Variants in MYH11 observed in about 807,000 individuals in gnomAD.
MYH11 encodes myosin-11.
Under a neutral mutation model 246.6 loss-of-function variants are expected in MYH11, and 80 were observed. The ratio of observed to expected loss-of-function variants is 0.32; its 90% CI spans 0.27 to 0.39. The LOEUF is 0.39. Among genes scored for constraint, MYH11 ranks in the 10% least tolerant of loss-of-function variants. The pLI is 1.00. For missense variants in MYH11, 2,158 were observed against 2,546.8 expected, an observed-to-expected ratio of 0.85 and a Z score of 3.29; for synonymous variants, 1,071 against 1,015.5, an observed-to-expected ratio of 1.05 and a Z score of -1.04.
At chr16:15,780,188 C>T (rs369927566) in intron 6 of MYH11, among the ~76,000 whole-genome samples, 1 of 152,074 alleles carries the variant, frequency 6.6e-6, no homozygotes, top group East Asian at 1.9e-4. Context: ...AACATGCAAA[C>T]GCAGTGCTTC....
chr16:15,761,453 A>T (rs1485546068), intron 10 of MYH11, among the ~76,000 whole-genome samples: 1 of 152,214 alleles, frequency 6.6e-6, no homozygotes, highest in Non-Finnish European at 1.5e-5. Flanking sequence ...AATAGTTATT[A>T]ATAGTAACAT....
At position 15,717,334 on chromosome 16, in the gene MYH11, G is replaced by A; in HGVS notation, c.5310C>T (p.Ser1770=). 2 of 1,608,348 alleles carry A rather than the reference G, an allele frequency of 1.2e-6. No homozygotes were observed. Among genetic ancestry groups the A allele is most frequent in the Non-Finnish European group, 1.7e-6 (2 of 1,180,008 alleles). The change falls in exon 38 of 41, where the codon AGC becomes AGT. Residue 1770 remains serine, a synonymous_variant. Coordinates refer to ENST00000300036, the MANE Select transcript of MYH11 (RefSeq NM_002474.3). ...TGCTGCGCTCTGTGGCCAGCTCGTT[G>A]CTGAGCTGCTCGGCCTGGGGAGGAG... ...RKATQQAEQL[S]NELATERSTA...
chr16:15,837,438 G>C (rs1367053537), intron 2 of MYH11, among the ~76,000 whole-genome samples: 1 of 152,108 alleles, frequency 6.6e-6, no homozygotes, highest in African/African-American at 2.4e-5. Context: ...GGCTTCGAGA[G>C]AGGAAATAAC....
chr16:15,800,421 T>C (rs959259517), intron 3 of MYH11, among the ~76,000 whole-genome samples: 1 of 149,406 alleles, frequency 6.7e-6, no homozygotes, highest in African/African-American at 2.5e-5. Context: ...GATGGATGGA[T>C]AGATAGGAAG....
intron 1 of MYH11, among the ~76,000 whole-genome samples, chr16:15,851,440 C>T (rs1450270294): frequency 2.0e-5 from 3 of 152,098 alleles, no homozygotes; most frequent in African/African-American, 4.8e-5. Context: ...CTAAGATGAC[C>T]GAGGTCCTGG....
intron 19 of MYH11, among the ~76,000 whole-genome samples, chr16:15,745,732 TG>T (rs938616755): frequency 3.3e-5 from 5 of 151,548 alleles, no homozygotes; most frequent in African/African-American, 1.2e-4. Context: ...GGATTACAGG[TG>T]CCCACAACCA....
intron 1 of MYH11, among the ~76,000 whole-genome samples, chr16:15,851,526 T>A (rs1409711889): frequency 6.6e-6 from 1 of 152,272 alleles, no homozygotes; most frequent in East Asian, 1.9e-4. Context: ...AGTTTTCTGC[T>A]AAGAGTAAAT....
chr16:15,766,114 C>T (rs562073273), intron 9 of MYH11, among the ~76,000 whole-genome samples: 30 of 152,242 alleles, frequency 2.0e-4, no homozygotes, highest in African/African-American at 6.7e-4. Context: ...AGATACTACT[C>T]AATGTCCCCT....
rs113302393 is a variant in MYH11 at position 15,724,329 on chromosome 16, C to T, written c.4197G>A (p.Lys1399=). The T allele has an allele frequency of 2.0e-4, 322 of 1,614,166 alleles. 1 individual carries two copies. In the Middle Eastern group the frequency reaches 2.8e-3, roughly 14 times the overall value. The change falls in exon 31 of 41, where the codon AAG becomes AAA. Residue 1399 remains lysine, a synonymous_variant. Transcript: ENST00000300036. Reference sequence around the variant, plus strand: ...ACTGCTGGGTGAGGTTCTCGATCTCCTTCTGGAACCTCTTCTTCCCCTCTT... The same window carrying T: ...ACTGCTGGGTGAGGTTCTCGATCTCTTTCTGGAACCTCTTCTTCCCCTCTT... ...ALEEGKKRFQ[K]EIENLTQQYE... is the part of the protein sequence containing the mutation.
In MYH11 at chr16:15,741,784, C is replaced by T. The variant is rs1419915151; in HGVS notation, c.2628G>A (p.Lys876=). ...ERQQKAENEL[K]ELEQKHSQLT... Reference sequence around the variant, plus strand: ...CCTGCGAGTGCTTCTGTTCCAGCTCCTTAAGCTCATTCTCTGCCTTCTGCT... The same window carrying T: ...CCTGCGAGTGCTTCTGTTCCAGCTCTTTAAGCTCATTCTCTGCCTTCTGCT... The change falls in exon 21 of 41, where the codon AAG becomes AAA. Residue 876 remains lysine, a synonymous_variant. Transcript: ENST00000300036. 3 of 1,614,100 alleles carry T rather than the reference C, an allele frequency of 1.9e-6. No homozygotes were observed. The highest frequency in any genetic ancestry group is 2.5e-6 in the Non-Finnish European group (3 of 1,180,054).
chr16:15,856,686 G>GA (rs2044480427), intron 1 of MYH11, among the ~76,000 whole-genome samples: 1 of 151,512 alleles, frequency 6.6e-6, no homozygotes, highest in African/African-American at 2.4e-5. Context: ...TCCAGGCATT[G>GA]ATATCGTTAA....
chr16:15,724,676 C>T lies in MYH11; in HGVS notation c.4087G>A (p.Glu1363Lys), dbSNP rs1398265916. The change falls in exon 30 of 41, where the codon GAG becomes AAG. Residue 1363 changes from glutamate (E) to lysine (K), a missense_variant. This residue lies in a region of MYH11 where 1,013 missense variants were observed against 993.5 expected (regional missense o/e 1.02). Transcript: ENST00000300036. Reference protein sequence around the residue: ...DEEMEAKQNLERHISTLNIQL... With the variant: ...DEEMEAKQNLKRHISTLNIQL... The stretch of plus-strand genomic sequence containing the variant: ...ATGTTGAGAGTGGAGATGTGGCGCT[C>T]CAGGTTCTGCTTGGCCTCCATCTCC... 1 of 1,614,178 alleles carries T rather than the reference C, an allele frequency of 6.2e-7. No homozygotes were observed. Among genetic ancestry groups the T allele is most frequent in the Non-Finnish European group, 8.5e-7 (1 of 1,180,020 alleles).
chr16:15,798,571 G>A, intron 4 of MYH11, 89 bp downstream of exon 4: 2 of 1,319,680 alleles, frequency 1.5e-6, no homozygotes, highest in Non-Finnish European at 2.1e-6. Flanking sequence ...TGCACTCATG[G>A]ATCTTTTCTT....
At chr16:15,845,117 G>A (rs1042090465) in intron 1 of MYH11, among the ~76,000 whole-genome samples, 1 of 152,086 alleles carries the variant, frequency 6.6e-6, no homozygotes, top group African/African-American at 2.4e-5. Flanking sequence ...CAGATTTACT[G>A]TATATTAATA....
At chr16:15,775,402 G>A (rs189000229) in intron 8 of MYH11, among the ~76,000 whole-genome samples, 1 of 143,942 alleles carries the variant, frequency 6.9e-6, no homozygotes, top group African/African-American at 2.9e-5. Flanking sequence ...TTTATGTACT[G>A]CCTGTGCTCA....
At position 15,726,997 on chromosome 16, in the gene MYH11, C is replaced by T. The variant is rs2040798272; in HGVS notation, c.3709G>A (p.Ala1237Thr). ...TGGCCCAGGACCCGCAGCTCCCCGGCCAGGTCTGCGTTCTCTTTCTCCAGC... is the reference window on the plus strand; with the variant it reads ...TGGCCCAGGACCCGCAGCTCCCCGGTCAGGTCTGCGTTCTCTTTCTCCAGC... ...QTLEKENADL[A>T]GELRVLGQAK... Residue 1237 changes from alanine to threonine, a missense_variant, in exon 28 of 41, where the codon GCC becomes ACC. Ala to Thr is a moderately conservative substitution (Grantham distance 58). Around this residue, in one of 11 missense-constraint regions of MYH11, gnomAD observed 1,013 missense variants for 993.5 expected, o/e 1.02. Transcript: ENST00000300036. The T allele has an allele frequency of 6.2e-7, 1 of 1,611,928 alleles. No homozygotes were observed. The highest frequency in any genetic ancestry group is 1.3e-5 in the African/African-American group (1 of 74,832).
At chr16:15,837,555 A>G (rs1379737915) in intron 2 of MYH11, among the ~76,000 whole-genome samples, 3 of 52,830 alleles carry the variant, frequency 5.7e-5, no homozygotes, top group Non-Finnish European at 4.2e-5. Context: ...TTTTTTTTTG[A>G]GACAGAGTCT....
At chr16:15,710,435 C>T (rs565944532) in intron 40 of MYH11, among the ~76,000 whole-genome samples, 7 of 152,260 alleles carry the variant, frequency 4.6e-5, no homozygotes, top group East Asian at 1.9e-4. Flanking sequence ...GCAGGAGAAT[C>T]GCTTGAACCT....
At chr16:15,807,131 GT>G (rs531191452) in intron 3 of MYH11, among the ~76,000 whole-genome samples, 290 of 151,934 alleles carry the variant, frequency 1.9e-3, no homozygotes, top group African/African-American at 4.9e-3. Context: ...CTGGCTAATG[GT>G]TTTTTTGTTT....
Sources: gnomAD v4.1 joint callset for allele counts (sites outside exome capture counted in the v4.1 genomes callset) on GRCh38, gnomAD v4.1.1 for gene constraint, gnomAD v4.1.1 regional missense constraint, MANE v1.5 for transcripts, NCBI Gene and HGNC (gene_info 2026-07-23, HGNC 2026-07-21) for gene names.